The following VCAN variants were observed in gnomAD, a reference collection of about 807,000 sequenced individuals.
VCAN encodes the protein versican core protein.
Under a neutral mutation model 245.5 loss-of-function variants are expected in VCAN, and 44 were observed. That is an observed-to-expected ratio of 0.18 (90% CI 0.14 to 0.23). VCAN has a LOEUF of 0.23. Among genes scored for constraint, VCAN ranks in the 10% least tolerant of loss-of-function variants. VCAN has a pLI of 1.00. For missense variants in VCAN, 3,793 were observed against 4,057.9 expected (o/e 0.93, Z 1.77); for synonymous variants, 1,413 against 1,437.0 (o/e 0.98, Z 0.38).
chr5:83,550,794 G>A (rs1747429866), intron 10 of VCAN, among the ~76,000 whole-genome samples: 1 of 144,656 alleles, frequency 6.9e-6, no homozygotes, highest in African/African-American at 2.6e-5. Context: ...GGCAGAGGCA[G>A]GAGAATAGCT....
chr5:83,513,768 T>C (rs1745748972), intron 6 of VCAN, among the ~76,000 whole-genome samples: 1 of 152,224 alleles, frequency 6.6e-6, no homozygotes, highest in Admixed American at 6.5e-5. Flanking sequence ...GTCACAACAA[T>C]GATTTTTCAA....
At chr5:83,544,142 G>T (rs1459453135) in intron 8 of VCAN, among the ~76,000 whole-genome samples, 1 of 152,246 alleles carries the variant, frequency 6.6e-6, no homozygotes, top group Admixed American at 6.5e-5. Flanking sequence ...TGGCTATGGC[G>T]TGTGTTAACT....
chr5:83,566,041 G>T (rs1233122231), intron 12 of VCAN, among the ~76,000 whole-genome samples: 1 of 66,898 alleles, frequency 1.5e-5, no homozygotes, highest in African/African-American at 7.8e-5. Context: ...TTTGCTCACT[G>T]CAACCTCCGC....
chr5:83,570,253 C>T (rs1748239458), intron 12 of VCAN, among the ~76,000 whole-genome samples: 1 of 151,730 alleles, frequency 6.6e-6, no homozygotes, highest in Non-Finnish European at 1.5e-5. Context: ...GAAATAAAAC[C>T]ACCCTTCATG....
At chr5:83,545,684 T>A (rs1747183911) in intron 9 of VCAN, 34 bp downstream of exon 9, 4 of 1,500,930 alleles carry the variant, frequency 2.7e-6, no homozygotes, top group Non-Finnish European at 3.7e-6. Context: ...GGTGCAGTTC[T>A]TTCACAGAAG....
Position 83,521,586 on chromosome 5 carries a change from C to G in VCAN, c.3280C>G (p.Pro1094Ala), listed in dbSNP as rs140933632. 8.6e-5 allele frequency: 138 copies of G among 1,613,888 alleles called. No homozygotes were observed. The highest frequency in any genetic ancestry group is 1.1e-4 in the Non-Finnish European group (127 of 1,180,004). ...GAGGGTCCCAGTTTTAGAAACAACTCCAGTTGGAAAAATTGATCACAGTGT... is the reference window on the plus strand; with the variant it reads ...GAGGGTCCCAGTTTTAGAAACAACTGCAGTTGGAAAAATTGATCACAGTGT... ...SERVPVLETT[P>A]VGKIDHSVSY... Residue 1094 changes from proline (P) to alanine (A), a missense_variant, in exon 7 of 15, where the codon CCA (proline) becomes GCA (alanine). Pro to Ala is a conservative substitution (Grantham distance 27). Coordinates refer to ENST00000265077, the MANE Select transcript of VCAN (RefSeq NM_004385.5).
In VCAN at chr5:83,540,589, A is replaced by T. The variant is rs1161131725; in HGVS notation, c.7586A>T (p.Asp2529Val). ...SFQDRFREFE[D>V]STLKPNRKKP... The stretch of plus-strand genomic sequence containing the variant: ...CAAGACCGTTTCAGGGAATTCGAGG[A>T]TTCCACCTTAAAACCTAACAGAAAA... The change falls in exon 8 of 15, where the codon GAT (aspartate) becomes GTT (valine). Residue 2529 changes from aspartate to valine, a missense_variant. Physicochemically the swap from Asp to Val is radical, Grantham distance 152 (BLOSUM62 -3). Coordinates refer to ENST00000265077, the MANE Select transcript of VCAN (RefSeq NM_004385.5). 4 of 1,613,994 alleles carry T rather than the reference A, an allele frequency of 2.5e-6. No individual in the cohort carries two copies. The South Asian group carries it at 4.4e-5, about 18-fold the overall frequency.
intron 1 of VCAN, among the ~76,000 whole-genome samples, chr5:83,483,301 A>G (rs182867312): frequency 6.6e-6 from 1 of 152,342 alleles, no homozygotes; most frequent in East Asian, 1.9e-4. Context: ...GCATTGGATG[A>G]GATTCAAACT....
chr5:83,483,564 A>G lies in VCAN; in HGVS notation c.46A>G (p.Ile16Val), dbSNP rs573332559. 1.2e-6 allele frequency: 2 copies of G among 1,613,518 alleles called. No homozygotes were observed. Among genetic ancestry groups the G allele is most frequent in the Non-Finnish European group, 8.5e-7 (1 of 1,179,630 alleles). The change falls in exon 2 of 15, where the codon ATA (isoleucine) becomes GTA (valine). Residue 16 changes from isoleucine (I) to valine (V), a missense_variant. Around this residue, in one of 5 missense-constraint regions of VCAN, gnomAD observed 179 missense variants for 169.7 expected, o/e 1.05. Transcript: ENST00000265077. The stretch of plus-strand genomic sequence containing the variant: ...CATCTTATGGATGTGTTCAACCTTA[A>G]TAGTAACCCATGCGCTACATAAAGG... The part of the protein sequence containing the change: ...KSILWMCSTL[I>V]VTHALHKVKV...
At chr5:83,496,781 A>G (rs979108768) in intron 5 of VCAN, among the ~76,000 whole-genome samples, 10 of 152,194 alleles carry the variant, frequency 6.6e-5, no homozygotes, top group African/African-American at 2.4e-4. Context: ...TCATTCTTGT[A>G]AGGCTTCTCT....
intron 1 of VCAN, among the ~76,000 whole-genome samples, chr5:83,475,501 T>C (rs1225515719): frequency 6.6e-6 from 1 of 152,120 alleles, no homozygotes; most frequent in Non-Finnish European, 1.5e-5. Context: ...TAAAATAGGA[T>C]GTTGTGAGTG....
At chr5:83,553,546 T>C in intron 11 of VCAN, 24 bp downstream of exon 11, 1 of 1,613,702 alleles carries the variant, frequency 6.2e-7, no homozygotes, top group Non-Finnish European at 8.5e-7. Context: ...AGATACGAGT[T>C]TCCAGGAACT....
At chr5:83,484,248 CT>C (rs1195799863) in intron 2 of VCAN, among the ~76,000 whole-genome samples, 1 of 152,168 alleles carries the variant, frequency 6.6e-6, no homozygotes, top group Non-Finnish European at 1.5e-5. Flanking sequence ...TCAGACTCAC[CT>C]TTTATGATTT....
intron 3 of VCAN, among the ~76,000 whole-genome samples, chr5:83,490,828 A>C (rs1347714081): frequency 6.6e-6 from 1 of 152,186 alleles, no homozygotes; most frequent in Non-Finnish European, 1.5e-5. Context: ...AAATTATTAC[A>C]TATGTGTGTA....
Position 83,471,815 on chromosome 5 carries a change from C to G in VCAN, c.-215C>G. The G allele has an allele frequency of 2.5e-6, 1 of 398,624 alleles. No homozygotes were observed. The highest frequency in any genetic ancestry group is 4.4e-5 in the Admixed American group (1 of 22,732). The allele number at this position is 398,624 out of a possible 1,614,324, so 24.7% of individuals were successfully genotyped here. A position where few individuals can be genotyped will look rare whatever the true frequency, so the allele number is the denominator to read the frequency against. ...ACTCCAGGCGTGCGGACGCAACAGC[C>G]GAGAACATTAGGTGTTGTGGACAGG... On this transcript the variant is annotated 5_prime_UTR_variant, in exon 1 of 15. Transcript: ENST00000265077.
At chr5:83,517,436 A>T (rs1157370932) in intron 6 of VCAN, among the ~76,000 whole-genome samples, 1 of 152,124 alleles carries the variant, frequency 6.6e-6, no homozygotes, top group African/African-American at 2.4e-5. Flanking sequence ...TTTCTCTAAT[A>T]TGCTGTTTGC....
At chr5:83,480,563 A>G (rs1320779013) in intron 1 of VCAN, among the ~76,000 whole-genome samples, 1 of 152,208 alleles carries the variant, frequency 6.6e-6, no homozygotes, top group African/African-American at 2.4e-5. Context: ...AGAGGCGTTG[A>G]TCATGTATTT....
chr5:83,530,473 G>A (rs1278281883), intron 7 of VCAN, among the ~76,000 whole-genome samples: 3 of 152,212 alleles, frequency 2.0e-5, no homozygotes, highest in African/African-American at 7.2e-5. Context: ...TTTTTGGTGG[G>A]TGAGGGGCGT....
In VCAN at chr5:83,539,541, A is replaced by G. The variant is rs1290668506; in HGVS notation, c.6538A>G (p.Met2180Val). ...MKEEDTSLVN[M>V]STPDPDANGL... ...GGAGGAAGACACTTCTTTAGTTAACATGTCTACTCCAGATCCAGATGCAAA... is the reference window on the plus strand; with the variant it reads ...GGAGGAAGACACTTCTTTAGTTAACGTGTCTACTCCAGATCCAGATGCAAA... Residue 2180 changes from methionine (M) to valine (V), a missense_variant, in exon 8 of 15, where the codon ATG becomes GTG. Around this residue, in one of 5 missense-constraint regions of VCAN, gnomAD observed 3,182 missense variants for 3,250.3 expected, o/e 0.98. Transcript: ENST00000265077. 2 of 1,613,962 alleles carry G rather than the reference A, an allele frequency of 1.2e-6. No individual in the cohort carries two copies. Among genetic ancestry groups the G allele is most frequent in the African/African-American group, 1.3e-5 (1 of 74,938 alleles).
Sources: gnomAD v4.1 joint callset for allele counts (sites outside exome capture counted in the v4.1 genomes callset) on GRCh38, gnomAD v4.1.1 for gene constraint, gnomAD v4.1.1 regional missense constraint, MANE v1.5 for transcripts, NCBI Gene and HGNC (gene_info 2026-07-23, HGNC 2026-07-21) for gene names.